Variants in ZNF157 observed in about 807,000 individuals in gnomAD.
ZNF157 encodes the protein zinc finger protein 157.
Under a neutral mutation model 9.4 loss-of-function variants are expected in ZNF157, and 8 were observed. That is an observed-to-expected ratio of 0.85 (90% confidence interval 0.50 to 1.53). The LOEUF (loss-of-function observed/expected upper bound fraction) is 1.53. ZNF157 is among the 40% of genes most tolerant of loss of function. The pLI is 0.00. For synonymous variants in ZNF157, 120 were observed against 130.8 expected, an observed-to-expected ratio of 0.92 and a Z score of 0.56; for missense variants, 316 against 385.2, an observed-to-expected ratio of 0.82 and a Z score of 1.50.
chrX:47,390,374 A>G (rs2055893241), intron 1 of ZNF157: 1 of 112,088 alleles, frequency 8.9e-6, no homozygotes, highest in African/African-American at 3.2e-5. Context: ...ACAGAATTGA[A>G]TGACTGCAGT....
intron 1 of ZNF157, among the ~76,000 whole-genome samples, chrX:47,376,800 G>C (rs1438185879): frequency 9.0e-6 from 1 of 111,154 alleles, no homozygotes; most frequent in African/African-American, 3.3e-5. Flanking sequence ...TCAAACCTCC[G>C]AGCTGTCCTT....
At chrX:47,371,824 G>A (rs1207910017) in intron 1 of ZNF157, among the ~76,000 whole-genome samples, 2 of 111,264 alleles carry the variant, frequency 1.8e-5, no homozygotes, top group Non-Finnish European at 3.8e-5. Context: ...GGCCAGGCTG[G>A]TCTTGAACTC....
intron 1 of ZNF157, chrX:47,391,072 G>A (rs768336688): frequency 4.5e-5 from 5 of 111,505 alleles, no homozygotes; most frequent in Non-Finnish European, 9.4e-5. Context: ...CTGACAGTGA[G>A]GTTCTTGGTA....
Position 47,410,278 on chromosome X carries a change from G to A in ZNF157, c.75G>A (p.Gly25=). 1 of 1,211,211 alleles carries A rather than the reference G, an allele frequency of 8.3e-7. No individual in the cohort carries two copies. The highest frequency in any genetic ancestry group is 1.1e-6 in the Non-Finnish European group (1 of 895,415). ...IPGEPGRSFE[G]SVSFEDVAVD... is the part of the protein sequence containing the mutation. ...ATCATTGGAGATTGTTATTACAGGG[G>A]TCCGTGTCATTCGAGGATGTGGCTG... Residue 25 remains glycine (G), a splice_region_variant and synonymous_variant, in exon 2 of 4, where the codon GGG becomes GGA. Coordinates refer to ENST00000377073, the MANE Select transcript of ZNF157 (RefSeq NM_003446.4).
intron 1 of ZNF157, among the ~76,000 whole-genome samples, chrX:47,399,011 A>G (rs947177653): frequency 7.3e-4 from 82 of 111,743 alleles, no homozygotes; most frequent in Non-Finnish European, 1.4e-3. Flanking sequence ...CATGTTGGCC[A>G]GGCTGGTCTC....
chrX:47,404,375 G>C lies in ZNF157; in HGVS notation c.73-5901G>C, dbSNP rs190048000. ...AGATGGGATTTCACCATGTTGGCCA[G>C]GCTGGTCTCAGACCCCTGACCTCAG... On this transcript the variant is annotated intron_variant, in intron 1 of 3. Transcript: ENST00000377073. Among the ~76,000 whole-genome samples, 268 of 109,316 alleles carry C rather than the reference G, an allele frequency of 2.5e-3. 1 individual carries two copies. The highest frequency in any genetic ancestry group is 4.0e-3 in the Non-Finnish European group (210 of 52,509). The allele number at this position is 109,316 out of a possible 115,157, so 94.9% of individuals were successfully genotyped here.
At chrX:47,405,762 A>G (rs1478124847) in intron 1 of ZNF157, among the ~76,000 whole-genome samples, 1 of 112,165 alleles carries the variant, frequency 8.9e-6, no homozygotes, top group African/African-American at 3.2e-5. Context: ...AGACATACGT[A>G]ATAGTAATCA....
rs1257843539 is a variant in ZNF157 at position 47,410,711 on chromosome X, C to T, written c.231C>T (p.Phe77=). ...GLCVAKPEMI[F]KLERGEELWI... is the part of the protein sequence containing the mutation. ...GCGTGGCCAAACCAGAGATGATCTT[C>T]AAGTTGGAGCGAGGAGAAGAGCTGT... The change falls in exon 3 of 4, where the codon TTC becomes TTT. Residue 77 remains phenylalanine (F), a synonymous_variant. Transcript: ENST00000377073. 3 of 1,207,372 alleles carry T rather than the reference C, an allele frequency of 2.5e-6. No homozygotes were observed. Among genetic ancestry groups the T allele is most frequent in the Admixed American group, 4.4e-5 (2 of 45,438 alleles).
chrX:47,395,953 G>A (rs966239284), intron 1 of ZNF157, among the ~76,000 whole-genome samples: 5 of 111,360 alleles, frequency 4.5e-5, no homozygotes, highest in African/African-American at 9.8e-5. Context: ...GTGAGAGAGC[G>A]AGACCTTGTC....
chrX:47,384,432 A>G (rs1201691505), intron 1 of ZNF157, among the ~76,000 whole-genome samples: 2 of 111,653 alleles, frequency 1.8e-5, no homozygotes, highest in African/African-American at 3.3e-5. Context: ...GAAAATTTGT[A>G]GATTTGAACA....
Position 47,412,675 on chromosome X carries a change from C to A in ZNF157, c.602C>A (p.Ala201Glu). The change falls in exon 4 of 4, where the codon GCA (alanine) becomes GAA (glutamate). Residue 201 changes from alanine (A) to glutamate (E), a missense_variant. Around this residue, in one of 3 missense-constraint regions of ZNF157, gnomAD observed 146 missense variants for 183.8 expected, o/e 0.79. Coordinates refer to ENST00000377073, the MANE Select transcript of ZNF157 (RefSeq NM_003446.4). ...ECGECAKTFS[A>E]RSYLIAHQKT... ...GGTGAATGTGCAAAAACCTTCAGTG[C>A]AAGATCATACCTCATTGCTCATCAG... is the stretch of plus-strand genomic sequence containing the variant. 1 of 1,211,012 alleles carries A rather than the reference C, an allele frequency of 8.3e-7. No homozygotes were observed.
At chrX:47,377,661 G>T (rs5952431) in intron 1 of ZNF157, among the ~76,000 whole-genome samples, 1 of 106,405 alleles carries the variant, frequency 9.4e-6, no homozygotes, top group South Asian at 4.2e-4. Flanking sequence ...TGAACTCCTG[G>T]CCTCAAATGA....
intron 1 of ZNF157, among the ~76,000 whole-genome samples, chrX:47,386,466 T>C (rs2055879695): frequency 9.0e-6 from 1 of 111,339 alleles, no homozygotes; most frequent in South Asian, 3.8e-4. Context: ...TGTGACTTTT[T>C]TTGTTTTTTT....
intron 1 of ZNF157, among the ~76,000 whole-genome samples, chrX:47,371,838 A>T (rs1217600180): frequency 9.0e-6 from 1 of 111,063 alleles, no homozygotes; most frequent in Non-Finnish European, 1.9e-5. Context: ...TGAACTCCTG[A>T]CCTCGTGATC....
chrX:47,398,903 C>G (rs767742559), intron 1 of ZNF157, among the ~76,000 whole-genome samples: 17 of 111,919 alleles, frequency 1.5e-4, no homozygotes, highest in African/African-American at 5.5e-4. Context: ...AACTCCTGAC[C>G]TCAGGCAATC....
chrX:47,381,318 G>A (rs774679186), intron 1 of ZNF157, among the ~76,000 whole-genome samples: 1 of 110,772 alleles, frequency 9.0e-6, no homozygotes, highest in South Asian at 3.8e-4. Context: ...TGGGGTTTGA[G>A]GGGGGGTGCT....
rs34841151 is a variant in ZNF157 at position 47,412,508 on chromosome X, G to C, written c.435G>C (p.Glu145Asp). Residue 145 changes from glutamate to aspartate, a missense_variant, in exon 4 of 4, where the codon GAG becomes GAC. Coordinates refer to ENST00000377073, the MANE Select transcript of ZNF157 (RefSeq NM_003446.4). ...ATGGATGCAGGAAAGCCTTCCATGA[G>C]AAAACAGGCTTTGTTAGACGTAAAA... is the stretch of plus-strand genomic sequence containing the variant. ...EYNGCRKAFH[E>D]KTGFVRRKRT... The C allele has an allele frequency of 3.9e-4, 476 of 1,210,585 alleles. No individual in the cohort carries two copies. In the African/African-American group the frequency reaches 7.4e-3, roughly 19 times the overall value.
chrX:47,406,406 C>T (rs1042923539), intron 1 of ZNF157, among the ~76,000 whole-genome samples: 1 of 110,443 alleles, frequency 9.1e-6, no homozygotes, highest in Non-Finnish European at 1.9e-5. Flanking sequence ...CAGAGTCTCA[C>T]TCTGTCACCC....
intron 1 of ZNF157, among the ~76,000 whole-genome samples, chrX:47,381,814 A>G (rs990644327): frequency 1.8e-5 from 2 of 112,159 alleles, no homozygotes; most frequent in East Asian, 5.6e-4. Flanking sequence ...ACAAGAAGTT[A>G]TTCATGAGGG....
Sources: allele counts gnomAD v4.1 joint callset (sites outside exome capture counted in the v4.1 genomes callset), GRCh38; gene constraint gnomAD v4.1.1; regional missense constraint gnomAD v4.1.1; transcripts MANE v1.5; gene names NCBI Gene and HGNC (gene_info 2026-07-23, HGNC 2026-07-21).